The following KRT7 variants were observed in gnomAD, a reference collection of about 807,000 sequenced individuals.
KRT7 encodes the protein keratin 7.
A neutral mutation model predicts 42.8 loss-of-function variants in KRT7; 50 were observed. The ratio of observed to expected loss-of-function variants is 1.17; its 90% CI spans 0.93 to 1.48. The LOEUF is 1.48. Ranked by LOEUF, KRT7 falls within the 40% of genes most tolerant of loss-of-function variation. The pLI, the probability that KRT7 is intolerant of heterozygous loss-of-function variation, is 0.00. For synonymous variants in KRT7, 268 were observed against 266.3 expected (o/e 1.01, Z -0.06); for missense variants, 588 against 637.6 (o/e 0.92, Z 0.84).
chr12:52,248,135 GCTAGGAAAGAGCCGTCCTCA>G, intron 7 of KRT7, 22 bp from the exon 8 acceptor site: 1 of 1,605,872 alleles, frequency 6.2e-7, no homozygotes, highest in East Asian at 2.2e-5. Flanking sequence ...TCCCTCCCAC[GCTAGGAAAGAGCCGTCCTCA>G]CTGTCTGTCC....
intron 1 of KRT7, among the ~76,000 whole-genome samples, chr12:52,234,397 C>T (rs916583069): frequency 3.1e-4 from 47 of 152,182 alleles, no homozygotes; most frequent in Admixed American, 2.5e-3. Context: ...CAGGGCTGGC[C>T]CTGCTGGGCT....
chr12:52,255,659 G>A (rs544620628), downstream of KRT7, among the ~76,000 whole-genome samples: 2 of 152,168 alleles, frequency 1.3e-5, no homozygotes, highest in East Asian at 1.9e-4. Context: ...GCACATTTTC[G>A]AAGACCTCCT....
intron 5 of KRT7, among the ~76,000 whole-genome samples, chr12:52,242,783 T>A (rs1942112092): frequency 6.6e-6 from 1 of 152,050 alleles, no homozygotes; most frequent in Non-Finnish European, 1.5e-5. Flanking sequence ...CTGGGGTCCA[T>A]GGGGATGGGA....
At chr12:52,237,780 T>A (rs1942032848) in intron 3 of KRT7, 1 of 403,264 alleles carries the variant, frequency 2.5e-6, no homozygotes, top group Non-Finnish European at 4.4e-6. Context: ...ATTAGACTCA[T>A]TTCTAGGCCT....
At chr12:52,241,173 G>A (rs1049400892) in intron 4 of KRT7, among the ~76,000 whole-genome samples, 2 of 152,022 alleles carry the variant, frequency 1.3e-5, no homozygotes, top group Non-Finnish European at 2.9e-5. Flanking sequence ...AATAGAGCTC[G>A]TGCACCTACA....
downstream of KRT7, among the ~76,000 whole-genome samples, chr12:52,249,638 GTGTGGCAGGTGTTC>G (rs1211963715): frequency 6.6e-6 from 1 of 152,170 alleles, no homozygotes; most frequent in Non-Finnish European, 1.5e-5. Context: ...GTGTCTGTGA[GTGTGGCAGGTGTTC>G]TGTGGCAGGG....
chr12:52,235,041 A>G (rs1941989791), intron 1 of KRT7, 114 bp from the exon 2 acceptor site: 1 of 965,892 alleles, frequency 1.0e-6, no homozygotes, highest in Non-Finnish European at 1.6e-6. Flanking sequence ...CCAGGCAGGG[A>G]AACAGCCAGG....
chr12:52,238,550 A>G lies in KRT7; in HGVS notation c.598-130A>G. 4.6e-6 allele frequency: 3 copies of G among 658,370 alleles called. No homozygotes were observed. In the South Asian group the frequency reaches 5.3e-5, roughly 12 times the overall value. 40.8% of individuals were successfully genotyped at this position (658,370 alleles called of 1,614,324 possible). A position where few individuals can be genotyped will look rare whatever the true frequency, so the allele number is the denominator to read the frequency against. ...TGTGACCATGTACAGCAGCTGTAGA[A>G]ACTGTTTCTGGGTAGGGCAGTAGTA... On this transcript the variant is annotated intron_variant, in intron 3 of 8. Transcript: ENST00000331817.
rs369098402 is a variant in KRT7, at chr12:52,248,753, G to A, written c.1403G>A (p.Arg468His). Residue 468 changes from arginine (R) to histidine (H), a missense_variant, in exon 9 of 9, where the codon CGC becomes CAC. Arg to His is a conservative substitution (Grantham distance 29). Transcript: ENST00000331817. ...RTASASRRSARD is the reference protein window; with the variant it reads ...RTASASRRSAHD ...GCATCCGCCAGTCGCAGGAGTGCCC[G>A]CGACTGAGCCGCCTCCCACCACTCC... 2.0e-5 allele frequency: 31 copies of A among 1,563,702 alleles called. No individual in the cohort carries two copies. The highest frequency in any genetic ancestry group is 4.1e-5 in the African/African-American group (3 of 73,134).
At chr12:52,250,445 C>T (rs1315732478), downstream of KRT7, 7 of 488,362 alleles carry the variant, frequency 1.4e-5, no homozygotes, top group Admixed American at 5.2e-5. Flanking sequence ...GGTGAGGCGG[C>T]GTCGGTACAA....
At position 52,248,678 on chromosome 12, in the gene KRT7, T is replaced by G. The variant is rs756972758; in HGVS notation, c.1328T>G (p.Phe443Cys). ...ACCATGGGCAGCAATGCCCTGAGCT[T>G]CTCCAGCAGTGCGGGTCCTGGGCTC... ...GGTMGSNALSFSSSAGPGLLK... is the reference protein window; with the variant it reads ...GGTMGSNALSCSSSAGPGLLK... Residue 443 changes from phenylalanine to cysteine, a missense_variant, in exon 9 of 9, where the codon TTC (phenylalanine) becomes TGC (cysteine). Phe to Cys is a radical substitution (Grantham distance 205, BLOSUM62 -2). Coordinates refer to ENST00000331817, the MANE Select transcript of KRT7 (RefSeq NM_005556.4). The G allele has an allele frequency of 5.9e-5, 95 of 1,613,228 alleles. No homozygotes were observed. Among genetic ancestry groups the G allele is most frequent in the Non-Finnish European group, 7.8e-5 (92 of 1,179,654 alleles).
chr12:52,237,456 G>A (rs1202568728), intron 2 of KRT7, 53 bp from the exon 3 acceptor site: 1 of 1,331,636 alleles, frequency 7.5e-7, no homozygotes, highest in South Asian at 1.3e-5. Context: ...GCGGAGGGGG[G>A]ACGGGAGCAT....
intron 3 of KRT7, 61 bp from the exon 4 acceptor site, chr12:52,238,619 C>G: frequency 9.6e-7 from 1 of 1,036,514 alleles, no homozygotes; most frequent in Admixed American, 1.7e-5. Flanking sequence ...TCCACCCCTA[C>G]TAAATGTTCC....
chr12:52,252,465 G>A (rs1316342427), downstream of KRT7: 2 of 1,614,016 alleles, frequency 1.2e-6, no homozygotes, highest in Non-Finnish European at 1.7e-6. Context: ...GGCCACCGCG[G>A]CCTCCAGCTT....
At chr12:52,250,677 C>T (rs1233887593), downstream of KRT7, 9 of 618,706 alleles carry the variant, frequency 1.5e-5, no homozygotes, top group East Asian at 3.2e-5. Context: ...AGTCTCCTGG[C>T]GGCCAGAGGC....
intron 6 of KRT7, 99 bp downstream of exon 6, chr12:52,243,236 C>A (rs540952140): frequency 2.2e-6 from 3 of 1,393,742 alleles, no homozygotes; most frequent in Admixed American, 4.8e-5. Flanking sequence ...TCCCATCTCC[C>A]GGCCAAAGCT....
intron 1 of KRT7, among the ~76,000 whole-genome samples, chr12:52,234,121 C>CGGGGGGGGGGGGG (rs1299477013): frequency 1.0e-3 from 3 of 2,978 alleles, no homozygotes; most frequent in Admixed American, 3.4e-3. Context: ...GTCGGTGGGG[C>CGGGGGGGGGGGGG]GGGGGAGGGG....
At chr12:52,247,680 T>G (rs1719695777) in intron 7 of KRT7, 1 of 159,572 alleles carries the variant, frequency 6.3e-6, no homozygotes, top group African/African-American at 2.4e-5. Context: ...ATTCAATCAG[T>G]CAACGATTCA....
downstream of KRT7, chr12:52,253,141 T>C: frequency 7.0e-7 from 1 of 1,437,874 alleles, no homozygotes; most frequent in South Asian, 1.1e-5. Flanking sequence ...GCAAGGGGTC[T>C]AACCCAAATC....
Sources: allele counts gnomAD v4.1 joint callset (sites outside exome capture counted in the v4.1 genomes callset), GRCh38; gene constraint gnomAD v4.1.1; transcripts MANE v1.5; gene names NCBI Gene and HGNC (gene_info 2026-07-23, HGNC 2026-07-21).